The following RALYL variants were observed in gnomAD, a reference collection of about 807,000 sequenced individuals.
RALYL encodes RNA-binding Raly-like protein.
A neutral mutation model predicts 35.1 loss-of-function variants in RALYL; 29 were observed. The observed-to-expected ratio is 0.83, with a 90% CI of 0.61 to 1.13. RALYL has a LOEUF of 1.13. Ranked by LOEUF, RALYL falls within the 50% of genes most tolerant of loss-of-function variation. The probability of loss-of-function intolerance (pLI) is 0.00; values close to 1 mark genes in which losing one functional copy is unlikely to be tolerated. For missense variants in RALYL, 359 were observed against 360.4 expected (o/e 1.00, Z 0.03); for synonymous variants, 120 against 127.6 (o/e 0.94, Z 0.40).
In RALYL at chr8:84,621,442, A is replaced by G. The variant is rs546883959; in HGVS notation, c.256+91865A>G. 7.2e-5 allele frequency among the ~76,000 whole-genome samples: 11 copies of G among 152,062 alleles called. No homozygotes were observed. In the East Asian group the frequency reaches 9.7e-4, roughly 13 times the overall value. ...CACTTCCGGAGTGAGGCAATGCCTCACCCTGCTTCGGCTGGCGCACAGTGC... is the reference window on the plus strand; with the variant it reads ...CACTTCCGGAGTGAGGCAATGCCTCGCCCTGCTTCGGCTGGCGCACAGTGC... On this transcript the variant is annotated intron_variant, in intron 2 of 8. Coordinates refer to ENST00000521268, the MANE Select transcript of RALYL (RefSeq NM_173848.7).
intron 2 of RALYL, among the ~76,000 whole-genome samples, chr8:84,723,420 A>G (rs565348730): frequency 6.6e-6 from 1 of 152,132 alleles, no homozygotes; most frequent in East Asian, 1.9e-4. Flanking sequence ...TGGTTTTCAT[A>G]AACTTAAATT....
chr8:84,468,843 C>G (rs143177227), intron 1 of RALYL, among the ~76,000 whole-genome samples: 2,360 of 152,160 alleles, frequency 0.016, 62 homozygotes, highest in African/African-American at 0.053. Flanking sequence ...TTGCTCATTT[C>G]TTTTTATTCT....
intron 2 of RALYL, among the ~76,000 whole-genome samples, chr8:84,566,618 C>T (rs543809407): frequency 5.3e-5 from 8 of 151,556 alleles, no homozygotes; most frequent in Admixed American, 2.6e-4. Context: ...AACTCATAAC[C>T]GTGATTTTTT....
At chr8:84,447,973 C>T (rs2049029415) in intron 1 of RALYL, among the ~76,000 whole-genome samples, 1 of 151,704 alleles carries the variant, frequency 6.6e-6, no homozygotes, top group African/African-American at 2.4e-5. Flanking sequence ...TGTGTATTAG[C>T]AACAGAGAGA....
intron 3 of RALYL, among the ~76,000 whole-genome samples, chr8:84,800,089 G>A (rs1311898445): frequency 6.6e-6 from 1 of 152,216 alleles, no homozygotes; most frequent in Admixed American, 6.5e-5. Context: ...ATAGAATGAT[G>A]CCAGAGATGT....
chr8:84,643,479 C>A (rs1283517045), intron 2 of RALYL, among the ~76,000 whole-genome samples: 1 of 152,042 alleles, frequency 6.6e-6, no homozygotes, highest in Non-Finnish European at 1.5e-5. Flanking sequence ...ATCCACAAGA[C>A]AAAAGCATCT....
intron 1 of RALYL, among the ~76,000 whole-genome samples, chr8:84,243,583 A>G (rs1828466506): frequency 6.9e-6 from 1 of 144,700 alleles, no homozygotes; most frequent in South Asian, 2.1e-4. Context: ...GGAGGTATGC[A>G]TCTCTCTACT....
rs539424532 is a variant in RALYL at position 84,889,054 on chromosome 8, C to G, written c.858+1278C>G. Reference sequence around the variant, plus strand: ...TGTGAACCACTGTGCCCAGCCAGCACCTTCATTTAAACTTTTCAAATATGA... The same window carrying G: ...TGTGAACCACTGTGCCCAGCCAGCAGCTTCATTTAAACTTTTCAAATATGA... On this transcript the variant is annotated intron_variant, in intron 8 of 8. Transcript: ENST00000521268. Among the ~76,000 whole-genome samples, 20 of 152,156 alleles carry G rather than the reference C, an allele frequency of 1.3e-4. No individual in the cohort carries two copies. The South Asian group carries it at 2.1e-3, about 16-fold the overall frequency.
chr8:84,899,218 C>T (rs1233638036), intron 8 of RALYL, among the ~76,000 whole-genome samples: 3 of 152,092 alleles, frequency 2.0e-5, no homozygotes, highest in Non-Finnish European at 2.9e-5. Context: ...TAAATCTGTC[C>T]CCCAACAAGG....
chr8:84,278,039 C>T (rs2132039719), intron 1 of RALYL, among the ~76,000 whole-genome samples: 1 of 152,354 alleles, frequency 6.6e-6, no homozygotes, highest in South Asian at 2.1e-4. Flanking sequence ...TGGAGGGCTC[C>T]AACCCCACAT....
chr8:84,581,683 C>T (rs549797231), intron 2 of RALYL, among the ~76,000 whole-genome samples: 1 of 152,128 alleles, frequency 6.6e-6, no homozygotes, highest in Admixed American at 6.5e-5. Context: ...CTCTGTTTCT[C>T]TTTTGTAATG....
At chr8:84,567,690 TA>T (rs1295955168) in intron 2 of RALYL, among the ~76,000 whole-genome samples, 1 of 151,354 alleles carries the variant, frequency 6.6e-6, no homozygotes, top group African/African-American at 2.4e-5. Flanking sequence ...TTTTTTTTTT[TA>T]TAATGATTTA....
chr8:84,839,512 T>A (rs980463299), intron 4 of RALYL, among the ~76,000 whole-genome samples: 8 of 152,198 alleles, frequency 5.3e-5, no homozygotes, highest in Admixed American at 2.6e-4. Context: ...CAAGGAGGCC[T>A]GCCTGCCTCT....
chr8:84,669,367 A>T (rs1832733738), intron 2 of RALYL, among the ~76,000 whole-genome samples: 1 of 151,442 alleles, frequency 6.6e-6, no homozygotes, highest in Non-Finnish European at 1.5e-5. Context: ...TTTTAATTTC[A>T]ACTTTTATTT....
intron 1 of RALYL, among the ~76,000 whole-genome samples, chr8:84,288,343 C>A (rs984157518): frequency 3.3e-5 from 5 of 152,118 alleles, no homozygotes; most frequent in African/African-American, 1.2e-4. Flanking sequence ...ATCTCTTAAT[C>A]CTATCATATG....
intron 1 of RALYL, among the ~76,000 whole-genome samples, chr8:84,291,299 T>C (rs899373414): frequency 6.6e-6 from 1 of 152,214 alleles, no homozygotes; most frequent in African/African-American, 2.4e-5. Context: ...GTTTTGTTTT[T>C]AGTTTTGCCC....
rs188788079 is a variant in RALYL, at chr8:84,496,096, G to C, written c.-23-33203G>C. On this transcript the variant is annotated intron_variant, in intron 1 of 8. Coordinates refer to ENST00000521268, the MANE Select transcript of RALYL (RefSeq NM_173848.7). Reference sequence around the variant, plus strand: ...TGAATACTGTTTGCCTGTTCTACTAGAAAAATTGATCTTTGTTCATGGTAT... The same window carrying C: ...TGAATACTGTTTGCCTGTTCTACTACAAAAATTGATCTTTGTTCATGGTAT... Among the ~76,000 whole-genome samples, 1,016 of 152,152 alleles carry C rather than the reference G, an allele frequency of 6.7e-3. 10 individuals carry two copies. The highest frequency in any genetic ancestry group is 0.023 in the African/African-American group (958 of 41,554).
intron 2 of RALYL, among the ~76,000 whole-genome samples, chr8:84,618,018 C>G (rs941698781): frequency 2.6e-5 from 4 of 151,812 alleles, no homozygotes; most frequent in African/African-American, 9.7e-5. Flanking sequence ...AGGATTTTTG[C>G]ATTAATGTTC....
At chr8:84,776,618 A>G (rs2133625150) in intron 3 of RALYL, among the ~76,000 whole-genome samples, 1 of 152,210 alleles carries the variant, frequency 6.6e-6, no homozygotes, top group East Asian at 1.9e-4. Context: ...AACATTTGAA[A>G]AGTCTTATTT....
Sources: gnomAD v4.1 joint callset for allele counts (sites outside exome capture counted in the v4.1 genomes callset) on GRCh38, gnomAD v4.1.1 for gene constraint, MANE v1.5 for transcripts, NCBI Gene and HGNC (gene_info 2026-07-23, HGNC 2026-07-21) for gene names.